NLRP1: variants seen among roughly 807,000 people sequenced by gnomAD.
NLRP1 encodes NACHT, LRR and PYD domains-containing protein 1.
In NLRP1, 94 loss-of-function variants were observed where a neutral mutation model predicts 136.7. The ratio of observed to expected loss-of-function variants is 0.69; its 90% CI spans 0.58 to 0.82. The LOEUF (loss-of-function observed/expected upper bound fraction) is 0.82. NLRP1 is among the 40% of genes least tolerant of loss of function. The probability of loss-of-function intolerance (pLI) is 0.00; values close to 1 mark genes in which losing one functional copy is unlikely to be tolerated. For missense variants in NLRP1, 1,575 were observed against 1,802.7 expected, an observed-to-expected ratio of 0.87 and a Z score of 2.29; for synonymous variants, 690 against 725.1, an observed-to-expected ratio of 0.95 and a Z score of 0.78.
rs114784864 is a variant in NLRP1, at chr17:5,502,423, G to C, written c.4070-551C>G. The C allele has an allele frequency of 3.1e-3, 502 of 159,818 alleles. 2 individuals are homozygous for C. The highest frequency in any genetic ancestry group is 0.011 in the African/African-American group (474 of 41,512). The allele number at this position is 159,818 out of a possible 1,614,324, so 9.9% of individuals were successfully genotyped here. On this transcript the variant is annotated intron_variant, in intron 15 of 15. Transcript: ENST00000262467. ...TCCTGCCTCAGCCTCTGAGTACCTG[G>C]GATTACAGGCCCACACCATCATGCC...
chr17:5,538,952 C>T (rs984306865), intron 7 of NLRP1, among the ~76,000 whole-genome samples: 1 of 152,154 alleles, frequency 6.6e-6, no homozygotes, highest in African/African-American at 2.4e-5. Flanking sequence ...GTGATCTAAG[C>T]TCACTGCAAC....
intron 12 of NLRP1, among the ~76,000 whole-genome samples, chr17:5,525,797 A>G: frequency 6.6e-6 from 1 of 152,124 alleles, no homozygotes; most frequent in East Asian, 1.9e-4. Flanking sequence ...CACTGTGCAG[A>G]TTGACTGGGT....
chr17:5,512,661 G>C, downstream of NLRP1: 1 of 332,854 alleles, frequency 3.0e-6, no homozygotes, highest in Non-Finnish European at 5.7e-6. Flanking sequence ...ACAGAGCCCT[G>C]AGCTCAGCAG....
rs1452718645 is a variant in NLRP1 at position 5,559,180 on chromosome 17, A to G, written c.1516T>C (p.Leu506=). 1 of 1,614,192 alleles carries G rather than the reference A, an allele frequency of 6.2e-7. No individual in the cohort carries two copies. The highest frequency in any genetic ancestry group is 8.5e-7 in the Non-Finnish European group (1 of 1,180,038). ...DERQAIRAFR[L]VKSNKELWAL... is the part of the protein sequence containing the mutation. ...CAGAGCTCTTTGTTTGATTTGACCA[A>G]CCTAAAGGCTCTAATTGCTTGCCTT... Residue 506 remains leucine, a synonymous_variant, in exon 4 of 17, where the codon TTG becomes CTG. Coordinates refer to ENST00000572272, the MANE Select transcript of NLRP1 (RefSeq NM_033004.4).
In NLRP1 at chr17:5,533,305, T is replaced by G; in HGVS notation, c.3132A>C (p.Ala1044=). The change falls in exon 10 of 17, where the codon GCA becomes GCC. Residue 1044 remains alanine, a splice_region_variant and synonymous_variant. Transcript: ENST00000572272. ...GGGGCCAGGCACCGTGGCTCTTGCC[T>G]GCAATCTCAGCAATTGGGAAGATCT... ...VSKIFPIAEI[A]EESSPEVVPV... 1 of 1,548,418 alleles carries G rather than the reference T, an allele frequency of 6.5e-7. No individual in the cohort carries two copies. The highest frequency in any genetic ancestry group is 8.7e-7 in the Non-Finnish European group (1 of 1,143,950).
chr17:5,570,573 G>A (rs144081247), intron 3 of NLRP1, among the ~76,000 whole-genome samples: 2 of 151,972 alleles, frequency 1.3e-5, no homozygotes, highest in African/African-American at 2.4e-5. Context: ...GAGCAATAAC[G>A]AGTTCTAAAA....
chr17:5,501,831 C>G (rs201026015), exon 16 of NLRP1: 2 of 1,613,858 alleles, frequency 1.2e-6, no homozygotes, highest in African/African-American at 2.7e-5. Context: ...CTCCTGGCGT[C>G]TCTGTTGCAC....
chr17:5,561,134 G>A (rs1022712756), intron 3 of NLRP1, among the ~76,000 whole-genome samples: 2 of 152,138 alleles, frequency 1.3e-5, no homozygotes, highest in African/African-American at 4.8e-5. Context: ...TCGGCTCACC[G>A]CAACCTCCGC....
intron 4 of NLRP1, among the ~76,000 whole-genome samples, chr17:5,555,025 AC>A (rs1913874618): frequency 8.4e-6 from 1 of 118,770 alleles, no homozygotes; most frequent in African/African-American, 2.6e-5. Context: ...CATCACACAC[AC>A]ACACACACAC....
Position 5,515,026 on chromosome 17 carries a change from G to A in NLRP1, c.4150C>T (p.Gln1384Ter). Reference sequence around the variant, plus strand: ...CGGGCTATCAGCTGCTCTCGATACTGGTCCACAAAGTGCAGCAACTGCGGG... The same window carrying A: ...CGGGCTATCAGCTGCTCTCGATACTAGTCCACAAAGTGCAGCAACTGCGGG... The part of the protein sequence containing the change: ...DAPQLLHFVD[Q>*]YREQLIARVT... Residue 1384 changes from glutamine (Q) to a stop codon, truncating the protein, a stop_gained, in exon 17 of 17, where the codon CAG (glutamine) becomes TAG (stop). Coordinates refer to ENST00000572272, the MANE Select transcript of NLRP1 (RefSeq NM_033004.4). LOFTEE classifies it low-confidence loss of function (END_TRUNC). The A allele has an allele frequency of 6.2e-7, 1 of 1,614,164 alleles. No homozygotes were observed. Among genetic ancestry groups the A allele is most frequent in the Non-Finnish European group, 8.5e-7 (1 of 1,180,044 alleles).
intron 5 of NLRP1, among the ~76,000 whole-genome samples, chr17:5,552,411 G>C (rs71368569): frequency 6.6e-6 from 1 of 151,950 alleles, no homozygotes; most frequent in Non-Finnish European, 1.5e-5. Flanking sequence ...TTTATGGGGC[G>C]ATCTTATCTT....
chr17:5,524,691 G>A (rs1297913954), intron 12 of NLRP1, among the ~76,000 whole-genome samples: 1 of 152,246 alleles, frequency 6.6e-6, no homozygotes, highest in Non-Finnish European at 1.5e-5. Flanking sequence ...TGGGAGGAAA[G>A]TGCTTTTTCC....
At chr17:5,509,159 C>T (rs1377022009), downstream of NLRP1, among the ~76,000 whole-genome samples, 1 of 152,200 alleles carries the variant, frequency 6.6e-6, no homozygotes, top group Non-Finnish European at 1.5e-5. Context: ...CTAGACTTCC[C>T]TTCAAGTTCT....
At chr17:5,511,801 C>G (rs1481283695), downstream of NLRP1, among the ~76,000 whole-genome samples, 1 of 137,566 alleles carries the variant, frequency 7.3e-6, no homozygotes, top group Non-Finnish European at 1.5e-5. Flanking sequence ...TTTCCTTTCT[C>G]TCTTTCCTTC....
intron 3 of NLRP1, among the ~76,000 whole-genome samples, chr17:5,562,236 C>T (rs1914840952): frequency 6.6e-6 from 1 of 152,254 alleles, no homozygotes; most frequent in African/African-American, 2.4e-5. Flanking sequence ...TACGTGACCC[C>T]ACCCACTTCT....
chr17:5,522,305 C>A (rs1909006740), intron 12 of NLRP1, among the ~76,000 whole-genome samples: 2 of 152,324 alleles, frequency 1.3e-5, no homozygotes, highest in South Asian at 4.1e-4. Flanking sequence ...AGAGGTGAAG[C>A]TTTTATGGGA....
chr17:5,513,911 C>T (rs1907794964), downstream of NLRP1, among the ~76,000 whole-genome samples: 1 of 152,184 alleles, frequency 6.6e-6, no homozygotes, highest in South Asian at 2.1e-4. Context: ...AAAAGACATT[C>T]CCACCAGCGC....
intron 5 of NLRP1, among the ~76,000 whole-genome samples, chr17:5,551,366 T>A (rs1294639233): frequency 6.6e-6 from 1 of 152,230 alleles, no homozygotes; most frequent in Non-Finnish European, 1.5e-5. Flanking sequence ...GATAGCTTAT[T>A]TCTTTTTAGC....
At chr17:5,534,685 C>T (rs1262088078) in intron 8 of NLRP1, among the ~76,000 whole-genome samples, 2 of 152,208 alleles carry the variant, frequency 1.3e-5, no homozygotes, top group East Asian at 3.9e-4. Flanking sequence ...CCTCTGCCGC[C>T]CATTTTCTAC....
Sources: gnomAD v4.1 joint callset for allele counts (sites outside exome capture counted in the v4.1 genomes callset) on GRCh38, gnomAD v4.1.1 for gene constraint, MANE v1.5 for transcripts, NCBI Gene and HGNC (gene_info 2026-07-23, HGNC 2026-07-21) for gene names.